The following FAM163B variants were observed in gnomAD, a reference collection of about 807,000 sequenced individuals.
FAM163B encodes family with sequence similarity 163 member B.
FAM163B carries 4 observed loss-of-function variants against 7.6 expected under a neutral mutation model. That is an observed-to-expected ratio of 0.52 (90% CI 0.26 to 1.20). The LOEUF is 1.20. FAM163B is among the 50% of genes most tolerant of loss of function. The probability of loss-of-function intolerance (pLI) is 0.14; values close to 1 mark genes in which losing one functional copy is unlikely to be tolerated. For synonymous variants in FAM163B, 120 were observed against 111.6 expected (o/e 1.07, Z -0.47); for missense variants, 250 against 243.0 (o/e 1.03, Z -0.19).
rs780153144 is a variant in FAM163B, at chr9:133,606,744, G to C, written c.-24+2333C>G. ...GGAGTGGAGGACAGAACAAGGGCTC[G>C]GCTGCTGCTCTGCCTCCCCTCCTGC... is the stretch of plus-strand genomic sequence containing the variant. On this transcript the variant is annotated intron_variant, in intron 1 of 2. Coordinates refer to ENST00000673969, the MANE Select transcript of FAM163B (RefSeq NM_001080515.3). The surrounding 1 kb of genome is among the most constrained non-coding windows in gnomAD (Gnocchi z 4.0). Among the ~76,000 whole-genome samples, 1 of 152,168 alleles carries C rather than the reference G, an allele frequency of 6.6e-6. No homozygotes were observed. The highest frequency in any genetic ancestry group is 1.5e-5 in the Non-Finnish European group (1 of 68,036).
At chr9:133,590,065 C>CCCTTCCCCTTCCCCTTCCCTTCCCTT (rs1491173513) in intron 1 of FAM163B, among the ~76,000 whole-genome samples, 1 of 16,854 alleles carries the variant, frequency 5.9e-5, no homozygotes, top group African/African-American at 2.4e-4. Context: ...CCCTTCCCTT[C>CCCTTCCCCTTCCCCTTCCCTTCCCTT]CCCTTCCCTT....
chr9:133,608,895 G>A (rs936079563), intron 1 of FAM163B, among the ~76,000 whole-genome samples, 182 bp downstream of exon 1: 9 of 152,208 alleles, frequency 5.9e-5, no homozygotes, highest in African/African-American at 1.9e-4. Context: ...TCTCCTCCTC[G>A]GGGATGCGCT....
At chr9:133,587,405 C>G (rs1359391362) in intron 1 of FAM163B, among the ~76,000 whole-genome samples, 1 of 152,116 alleles carries the variant, frequency 6.6e-6, no homozygotes. Context: ...AGGTGATTGT[C>G]CCCCCCTGGC....
At position 133,600,646 on chromosome 9, in the gene FAM163B, C is replaced by A. The variant is rs963761974; in HGVS notation, c.-24+8431G>T. ...AAAGGATGGGTGGAAGCCCAAGACT[C>A]GTGGGGCTTGAGGAGAGGTTGGTCT... On this transcript the variant is annotated intron_variant, in intron 1 of 2. Coordinates refer to ENST00000673969, the MANE Select transcript of FAM163B (RefSeq NM_001080515.3). This position sits in a 1 kb window ranked among gnomAD's most constrained non-coding sequence, Gnocchi z 4.9. Among the ~76,000 whole-genome samples the A allele has an allele frequency of 6.6e-6, 1 of 152,206 alleles. No homozygotes were observed. The highest frequency in any genetic ancestry group is 2.1e-4 in the South Asian group (1 of 4,820).
intron 1 of FAM163B, among the ~76,000 whole-genome samples, chr9:133,603,335 G>C (rs1434281104): frequency 6.6e-6 from 1 of 152,126 alleles, no homozygotes; most frequent in African/African-American, 2.4e-5. Flanking sequence ...GCCTCAGATC[G>C]CTCTTGGCAA....
At chr9:133,584,527 C>T (rs374179179) in intron 1 of FAM163B, among the ~76,000 whole-genome samples, 32 of 152,310 alleles carry the variant, frequency 2.1e-4, no homozygotes, top group African/African-American at 7.2e-4. Context: ...AGTGATAAGG[C>T]GAAAAAGCCA....
chr9:133,606,650 T>C lies in FAM163B; in HGVS notation c.-24+2427A>G, dbSNP rs1257982526. On this transcript the variant is annotated intron_variant, in intron 1 of 2. Transcript: ENST00000673969. This position sits in a 1 kb window ranked among gnomAD's most constrained non-coding sequence, Gnocchi z 4.0. ...AAACCACTCTCTCTGCCACACAAAT[T>C]GCCATTTTACCAACACACAGATCAG... 6.6e-6 allele frequency among the ~76,000 whole-genome samples: 1 copy of C among 152,160 alleles called. No homozygotes were observed. Among genetic ancestry groups the C allele is most frequent in the African/African-American group, 2.4e-5 (1 of 41,430 alleles).
Position 133,606,018 on chromosome 9 carries a change from T to C in FAM163B, c.-24+3059A>G, listed in dbSNP as rs1056451038. Among the ~76,000 whole-genome samples the C allele has an allele frequency of 6.6e-6, 1 of 152,168 alleles. No homozygotes were observed. The highest frequency in any genetic ancestry group is 1.5e-5 in the Non-Finnish European group (1 of 68,030). On this transcript the variant is annotated intron_variant, in intron 1 of 2. Transcript: ENST00000673969. The surrounding 1 kb of genome is among the most constrained non-coding windows in gnomAD (Gnocchi z 4.0). ...CCGGGCTCCCAGAGCCTGGTTCCTG[T>C]GGACTGCGGCGGAAAGCCCAACCAC...
In FAM163B at chr9:133,606,896, G is replaced by A. The variant is rs1465232137; in HGVS notation, c.-24+2181C>T. ...GCAGAGGCAGGCCCACGTGGCAGGAGCCAGAGGTCTCACTGCAGGAGTGGG... is the reference window on the plus strand; with the variant it reads ...GCAGAGGCAGGCCCACGTGGCAGGAACCAGAGGTCTCACTGCAGGAGTGGG... On this transcript the variant is annotated intron_variant, in intron 1 of 2. Transcript: ENST00000673969. This position sits in a 1 kb window ranked among gnomAD's most constrained non-coding sequence, Gnocchi z 4.0. 6.6e-6 allele frequency among the ~76,000 whole-genome samples: 1 copy of A among 152,224 alleles called. No homozygotes were observed. The highest frequency in any genetic ancestry group is 1.9e-4 in the East Asian group (1 of 5,192).
At chr9:133,587,962 C>G (rs28628159) in intron 1 of FAM163B, among the ~76,000 whole-genome samples, 125,313 of 148,542 alleles carry the variant, frequency 0.84, 52,843 homozygotes, top group East Asian at 0.93. Flanking sequence ...CGAACGGGGG[C>G]GCGAACGGGG....
At chr9:133,581,452 A>G in intron 1 of FAM163B, among the ~76,000 whole-genome samples, 1 of 152,030 alleles carries the variant, frequency 6.6e-6, no homozygotes, top group Non-Finnish European at 1.5e-5. Flanking sequence ...ATATCACTTT[A>G]CCCATAAATA....
At chr9:133,582,380 C>T (rs1831369018) in intron 1 of FAM163B, among the ~76,000 whole-genome samples, 1 of 152,228 alleles carries the variant, frequency 6.6e-6, no homozygotes, top group East Asian at 1.9e-4. Context: ...AATGATCCCA[C>T]TAGGGAGCAA....
At chr9:133,590,436 C>A (rs1407574855) in intron 1 of FAM163B, among the ~76,000 whole-genome samples, 1 of 152,052 alleles carries the variant, frequency 6.6e-6, no homozygotes, top group Non-Finnish European at 1.5e-5. Context: ...GGGGGCTCCC[C>A]GGTGCTTCAG....
At chr9:133,579,535 G>C in intron 2 of FAM163B, 106 bp from the exon 3 acceptor site, 1 of 1,410,152 alleles carries the variant, frequency 7.1e-7, no homozygotes, top group Non-Finnish European at 9.5e-7. Flanking sequence ...CACGGTGGGA[G>C]TGGGGTGGCC....
In FAM163B at chr9:133,589,574, C is replaced by A. The variant is rs74695032; in HGVS notation, c.-23-9328G>T. On this transcript the variant is annotated intron_variant, in intron 1 of 2. Coordinates refer to ENST00000673969, the MANE Select transcript of FAM163B (RefSeq NM_001080515.3). ...GCATCAGACCTAAGCCCCATGAAGGCAAGAACCTGGTTTCCCACTGCAGTC... is the reference window on the plus strand; with the variant it reads ...GCATCAGACCTAAGCCCCATGAAGGAAAGAACCTGGTTTCCCACTGCAGTC... Among the ~76,000 whole-genome samples, 235 of 152,242 alleles carry A rather than the reference C, an allele frequency of 1.5e-3. 3 individuals carry two copies. The East Asian group carries it at 0.037, about 24-fold the overall frequency.
chr9:133,604,376 G>A (rs566640566), intron 1 of FAM163B, among the ~76,000 whole-genome samples: 1 of 152,182 alleles, frequency 6.6e-6, no homozygotes, highest in Admixed American at 6.5e-5. Context: ...AACACACACA[G>A]ACTGGTCTCT....
intron 1 of FAM163B, among the ~76,000 whole-genome samples, chr9:133,589,396 C>G (rs1159028082): frequency 6.6e-6 from 1 of 152,232 alleles, no homozygotes; most frequent in Non-Finnish European, 1.5e-5. Flanking sequence ...AGGAGTCTAG[C>G]ATGGGGAGAG....
In FAM163B at chr9:133,579,078, G is replaced by A; in HGVS notation, c.445C>T (p.Leu149Phe). 1 of 1,587,010 alleles carries A rather than the reference G, an allele frequency of 6.3e-7. No homozygotes were observed. Among genetic ancestry groups the A allele is most frequent in the Non-Finnish European group, 8.6e-7 (1 of 1,167,044 alleles). The change falls in exon 3 of 3, where the codon CTC becomes TTC. Residue 149 changes from leucine to phenylalanine, a missense_variant. By Grantham distance (22) the Leu-to-Phe change is conservative. Coordinates refer to ENST00000673969, the MANE Select transcript of FAM163B (RefSeq NM_001080515.3). ...GCGAAGGCCTCCCGCATGGCTGAGAGGCGGTTGGGGTTGAGCGCCTGCAGG... is the reference window on the plus strand; with the variant it reads ...GCGAAGGCCTCCCGCATGGCTGAGAAGCGGTTGGGGTTGAGCGCCTGCAGG... ...GGLQALNPNR[L>F]SAMREAFARS...
At chr9:133,588,680 C>CCGAAAGATCTAGCAAGT (rs1564192732) in intron 1 of FAM163B, among the ~76,000 whole-genome samples, 1 of 47,734 alleles carries the variant, frequency 2.1e-5, no homozygotes. Flanking sequence ...ATCTAGCATA[C>CCGAAAGATCTAGCAAGT]TGAGAGATCT....
Sources: allele counts gnomAD v4.1 joint callset (sites outside exome capture counted in the v4.1 genomes callset), GRCh38; gene constraint gnomAD v4.1.1; non-coding constraint Gnocchi (gnomAD v3.1); transcripts MANE v1.5; gene names NCBI Gene and HGNC (gene_info 2026-07-23, HGNC 2026-07-21).